Variants in RALYL observed in about 807,000 individuals in gnomAD.
RALYL encodes RNA-binding Raly-like protein.
A neutral mutation model predicts 35.1 loss-of-function variants in RALYL; 29 were observed. The ratio of observed to expected loss-of-function variants is 0.83; its 90% CI spans 0.61 to 1.13. RALYL has a LOEUF of 1.13. RALYL is among the 50% of genes most tolerant of loss of function. The probability of loss-of-function intolerance (pLI) is 0.00; values close to 1 mark genes in which losing one functional copy is unlikely to be tolerated. For missense variants in RALYL, 359 were observed against 360.4 expected, an observed-to-expected ratio of 1.00 and a Z score of 0.03; for synonymous variants, 120 against 127.6, an observed-to-expected ratio of 0.94 and a Z score of 0.40.
At chr8:84,499,985 G>C (rs2134196276) in intron 1 of RALYL, among the ~76,000 whole-genome samples, 1 of 152,060 alleles carries the variant, frequency 6.6e-6, no homozygotes, top group South Asian at 2.1e-4. Context: ...TTAAACTCCT[G>C]GGCTCAAGTG....
At chr8:84,912,044 C>T (rs1847591815) in intron 8 of RALYL, among the ~76,000 whole-genome samples, 1 of 152,080 alleles carries the variant, frequency 6.6e-6, no homozygotes, top group Non-Finnish European at 1.5e-5. Context: ...TCCAGCACCT[C>T]TCACTTTCCT....
chr8:84,718,071 G>T (rs1186620692), intron 2 of RALYL, among the ~76,000 whole-genome samples: 1 of 152,122 alleles, frequency 6.6e-6, no homozygotes, highest in Non-Finnish European at 1.5e-5. Flanking sequence ...TATTTGTCAT[G>T]ATTGAAAATA....
At chr8:84,708,995 TA>T (rs1478214048) in intron 2 of RALYL, among the ~76,000 whole-genome samples, 1 of 152,226 alleles carries the variant, frequency 6.6e-6, no homozygotes, top group Non-Finnish European at 1.5e-5. Flanking sequence ...ACAGATCATG[TA>T]TTTTTTATTC....
chr8:84,615,842 G>C (rs1434765707), intron 2 of RALYL, among the ~76,000 whole-genome samples: 1 of 109,004 alleles, frequency 9.2e-6, no homozygotes, highest in Non-Finnish European at 1.8e-5. Flanking sequence ...GAGAATATGC[G>C]GTGTTTGGTT....
chr8:84,430,303 C>T (rs1587170970), intron 1 of RALYL, among the ~76,000 whole-genome samples: 1 of 152,090 alleles, frequency 6.6e-6, no homozygotes, highest in East Asian at 1.9e-4. Context: ...CTCTACCGTG[C>T]AGTAATTTAT....
At chr8:84,689,560 C>T (rs1269311853) in intron 2 of RALYL, among the ~76,000 whole-genome samples, 1 of 152,020 alleles carries the variant, frequency 6.6e-6, no homozygotes, top group African/African-American at 2.4e-5. Flanking sequence ...GTCTTTATAG[C>T]AGCATGATTT....
intron 2 of RALYL, among the ~76,000 whole-genome samples, chr8:84,743,084 T>TA (rs1218873160): frequency 1.3e-5 from 2 of 152,018 alleles, no homozygotes; most frequent in Non-Finnish European, 2.9e-5. Flanking sequence ...CTACTAGTTT[T>TA]AAAAATGTAT....
chr8:84,467,078 C>G (rs1217112101), intron 1 of RALYL, among the ~76,000 whole-genome samples: 4 of 151,982 alleles, frequency 2.6e-5, no homozygotes, highest in South Asian at 2.1e-4. Context: ...TTTTGTTGAT[C>G]CTTTCAAAAA....
chr8:84,249,085 C>T (rs1196712396), intron 1 of RALYL, among the ~76,000 whole-genome samples: 1 of 151,906 alleles, frequency 6.6e-6, no homozygotes, highest in Admixed American at 6.6e-5. Flanking sequence ...TTAAAAAGAA[C>T]TGTGTTGGCA....
At chr8:84,645,770 A>C (rs1335033965) in intron 2 of RALYL, among the ~76,000 whole-genome samples, 1 of 152,104 alleles carries the variant, frequency 6.6e-6, no homozygotes, top group Non-Finnish European at 1.5e-5. Context: ...TTCACACTTC[A>C]AGGACTTAGC....
At chr8:84,634,851 A>T (rs1824696336) in intron 2 of RALYL, among the ~76,000 whole-genome samples, 1 of 151,680 alleles carries the variant, frequency 6.6e-6, no homozygotes, top group Non-Finnish European at 1.5e-5. Flanking sequence ...TTGATATCCA[A>T]ATGGTGGAAA....
chr8:84,502,015 T>C (rs548078023), intron 1 of RALYL, among the ~76,000 whole-genome samples: 1 of 151,540 alleles, frequency 6.6e-6, no homozygotes, highest in South Asian at 2.1e-4. Flanking sequence ...TGTAGATTTT[T>C]TTCACAAACT....
intron 1 of RALYL, among the ~76,000 whole-genome samples, chr8:84,421,455 A>T (rs1373197753): frequency 7.3e-6 from 1 of 137,722 alleles, no homozygotes; most frequent in Non-Finnish European, 1.6e-5. Context: ...GGGCTGAGAC[A>T]ATGGGGTTTT....
chr8:84,426,438 CTGTGTG>C (rs71271987), intron 1 of RALYL, among the ~76,000 whole-genome samples: 7 of 135,996 alleles, frequency 5.1e-5, no homozygotes, highest in African/African-American at 1.4e-4. Context: ...CTCTCTCTCT[CTGTGTG>C]TGTGTGTGTG....
At chr8:84,435,569 A>C (rs2132802574) in intron 1 of RALYL, among the ~76,000 whole-genome samples, 1 of 152,296 alleles carries the variant, frequency 6.6e-6, no homozygotes, top group South Asian at 2.1e-4. Context: ...ATGTTCCACA[A>C]TTACTTTTTA....
At chr8:84,525,840 C>A (rs980586819) in intron 1 of RALYL, among the ~76,000 whole-genome samples, 1 of 150,844 alleles carries the variant, frequency 6.6e-6, no homozygotes, top group African/African-American at 2.4e-5. Flanking sequence ...TTTAATGTCT[C>A]TTCTGGTCAT....
At chr8:84,662,371 A>G (rs1831106666) in intron 2 of RALYL, among the ~76,000 whole-genome samples, 1 of 152,210 alleles carries the variant, frequency 6.6e-6, no homozygotes, top group African/African-American at 2.4e-5. Flanking sequence ...TATTTGAACA[A>G]CATATAAAGA....
chr8:84,903,134 T>C (rs954878229), intron 8 of RALYL, among the ~76,000 whole-genome samples: 7 of 152,134 alleles, frequency 4.6e-5, no homozygotes, highest in African/African-American at 1.2e-4. Flanking sequence ...TTATTAGTAA[T>C]CTTGTATCTC....
In RALYL at chr8:84,850,082, T is replaced by G. The variant is rs771794067; in HGVS notation, c.413+55T>G. ...ATGACTTAAATTATCTTTTAACCATTTTGTACATTTTATTCATGGGTGCTC... is the reference window on the plus strand; with the variant it reads ...ATGACTTAAATTATCTTTTAACCATGTTGTACATTTTATTCATGGGTGCTC... On this transcript the variant is annotated intron_variant, in intron 5 of 8. Coordinates refer to ENST00000521268, the MANE Select transcript of RALYL (RefSeq NM_173848.7). 28 of 1,008,532 alleles carry G rather than the reference T, an allele frequency of 2.8e-5. No homozygotes were observed. In the Middle Eastern group the frequency reaches 6.3e-4, roughly 23 times the overall value. 62.5% of individuals were successfully genotyped at this position (1,008,532 alleles called of 1,614,324 possible).
Sources: gnomAD v4.1 joint callset for allele counts (sites outside exome capture counted in the v4.1 genomes callset) on GRCh38, gnomAD v4.1.1 for gene constraint, MANE v1.5 for transcripts, NCBI Gene and HGNC (gene_info 2026-07-23, HGNC 2026-07-21) for gene names.